DAPK1: variants seen among roughly 807,000 people sequenced by gnomAD.
The protein encoded by DAPK1 is death associated protein kinase 1.
In DAPK1, 56 loss-of-function variants were observed where a neutral mutation model predicts 144.9. That is an observed-to-expected ratio of 0.39 (90% CI 0.31 to 0.48). The LOEUF (loss-of-function observed/expected upper bound fraction) is 0.48. Ranked by LOEUF, DAPK1 falls within the 20% of genes least tolerant of loss-of-function variation. The pLI is 0.95. For synonymous variants in DAPK1, 690 were observed against 749.0 expected (o/e 0.92, Z 1.29); for missense variants, 1,454 against 1,875.4 (o/e 0.78, Z 4.15).
chr9:87,613,656 A>G (rs1829002997), intron 3 of DAPK1, among the ~76,000 whole-genome samples: 1 of 152,248 alleles, frequency 6.6e-6, no homozygotes, highest in Non-Finnish European at 1.5e-5. Flanking sequence ...ACATGCAGTG[A>G]TTAAAGTGAT....
In DAPK1 at chr9:87,535,108, G is replaced by C. The variant is rs142113798; in HGVS notation, c.62+35969G>C. ...GAAATGGATACACAGATGACACAGA[G>C]ACCATCCATTTTTCTGTTTTCTGTG... On this transcript the variant is annotated intron_variant, in intron 2 of 25. Transcript: ENST00000408954. 5.0e-3 allele frequency among the ~76,000 whole-genome samples: 761 copies of C among 152,174 alleles called. 5 individuals carry two copies. The highest frequency in any genetic ancestry group is 0.017 in the African/African-American group (722 of 41,516).
intron 2 of DAPK1, among the ~76,000 whole-genome samples, chr9:87,597,793 G>C (rs754340994): frequency 6.6e-6 from 1 of 152,042 alleles, no homozygotes; most frequent in African/African-American, 2.4e-5. Flanking sequence ...CTAGAAATAC[G>C]AAGTAGGCTC....
chr9:87,556,390 A>G (rs10868631), intron 2 of DAPK1, among the ~76,000 whole-genome samples: 115,852 of 152,038 alleles, frequency 0.76, 45,011 homozygotes, highest in African/African-American at 0.92. Flanking sequence ...ACGTGTGTGT[A>G]CCTGTACCCA....
intron 16 of DAPK1, among the ~76,000 whole-genome samples, 157 bp from the exon 17 acceptor site, chr9:87,651,370 A>C (rs190349106): frequency 6.7e-6 from 1 of 149,198 alleles, no homozygotes; most frequent in African/African-American, 2.4e-5. Context: ...TACCCCTGCT[A>C]TAGGAGTAAA....
intron 2 of DAPK1, among the ~76,000 whole-genome samples, chr9:87,543,556 C>A (rs906512156): frequency 4.6e-5 from 7 of 152,170 alleles, no homozygotes; most frequent in African/African-American, 7.2e-5. Context: ...TTTCATGGAA[C>A]CTTCTGCAAA....
At chr9:87,593,456 C>G (rs917628369) in intron 2 of DAPK1, among the ~76,000 whole-genome samples, 2 of 152,220 alleles carry the variant, frequency 1.3e-5, no homozygotes, top group African/African-American at 4.8e-5. Flanking sequence ...TGTTCTTCCT[C>G]TCATGCTCCA....
chr9:87,679,243 G>T (rs1824514265), intron 19 of DAPK1, among the ~76,000 whole-genome samples: 1 of 152,116 alleles, frequency 6.6e-6, no homozygotes, highest in Admixed American at 6.5e-5. Context: ...TACAGGTCGG[G>T]GGTCACCATG....
At position 87,525,698 on chromosome 9, in the gene DAPK1, T is replaced by C. The variant is rs372345655; in HGVS notation, c.62+26559T>C. ...TCCACCTCCTCCATGTTTTCCTCTC[T>C]CTTCCCACTGTGAGCTCTCTCAGAC... On this transcript the variant is annotated intron_variant, in intron 2 of 25. Coordinates refer to ENST00000408954, the MANE Select transcript of DAPK1 (RefSeq NM_004938.4). 2.6e-3 allele frequency among the ~76,000 whole-genome samples: 390 copies of C among 152,270 alleles called. 3 individuals carry two copies. Among genetic ancestry groups the C allele is most frequent in the African/African-American group, 8.9e-3 (369 of 41,560 alleles).
chr9:87,508,375 C>G (rs1020157995), intron 2 of DAPK1, among the ~76,000 whole-genome samples: 1 of 148,086 alleles, frequency 6.8e-6, no homozygotes, highest in African/African-American at 2.5e-5. Context: ...CGGAGTCTTG[C>G]TTTGTCGCCC....
intron 24 of DAPK1, among the ~76,000 whole-genome samples, chr9:87,700,628 A>C (rs1449261495): frequency 6.6e-6 from 1 of 152,066 alleles, no homozygotes; most frequent in Non-Finnish European, 1.5e-5. Context: ...CCTCCCAAGT[A>C]GCTAGGACTA....
intron 2 of DAPK1, among the ~76,000 whole-genome samples, chr9:87,523,799 A>C (rs576951558): frequency 6.6e-6 from 1 of 152,114 alleles, no homozygotes; most frequent in African/African-American, 2.4e-5. Flanking sequence ...GCTGGATTCA[A>C]CCAGGGAGAT....
At chr9:87,696,367 A>G (rs1564075673) in intron 21 of DAPK1, among the ~76,000 whole-genome samples, 1 of 152,220 alleles carries the variant, frequency 6.6e-6, no homozygotes, top group African/African-American at 2.4e-5. Flanking sequence ...ATGGATATAC[A>G]TGCTGTAGAT....
chr9:87,615,668 G>A (rs1222193244), intron 3 of DAPK1, among the ~76,000 whole-genome samples: 1 of 152,206 alleles, frequency 6.6e-6, no homozygotes, highest in Non-Finnish European at 1.5e-5. Context: ...GGCTTTCCTT[G>A]GAGGAAAAGG....
At chr9:87,562,434 A>T (rs938846126) in intron 2 of DAPK1, among the ~76,000 whole-genome samples, 1 of 152,158 alleles carries the variant, frequency 6.6e-6, no homozygotes, top group Non-Finnish European at 1.5e-5. Context: ...TTCGTCGGGA[A>T]CCAACAGGAG....
In DAPK1 at chr9:87,686,819, C is replaced by A; in HGVS notation, c.2413+80C>A. The A allele has an allele frequency of 7.2e-7, 1 of 1,396,992 alleles. No individual in the cohort carries two copies. Among genetic ancestry groups the A allele is most frequent in the Non-Finnish European group, 9.8e-7 (1 of 1,025,232 alleles). The allele number at this position is 1,396,992 out of a possible 1,614,324, so 86.5% of individuals were successfully genotyped here. A position where few individuals can be genotyped will look rare whatever the true frequency, so the allele number is the denominator to read the frequency against. The stretch of plus-strand genomic sequence containing the variant: ...TAAGTCATCCCTAAAGGGAGCTTGT[C>A]CTGAGCTGTATCTGTCACTTCCAGA... On this transcript the variant is annotated intron_variant, in intron 21 of 25. Coordinates refer to ENST00000408954, the MANE Select transcript of DAPK1 (RefSeq NM_004938.4). This position sits in a 1 kb window ranked among gnomAD's most constrained non-coding sequence, Gnocchi z 4.2.
chr9:87,558,642 G>A (rs1032482511), intron 2 of DAPK1, among the ~76,000 whole-genome samples: 1 of 152,202 alleles, frequency 6.6e-6, no homozygotes, highest in African/African-American at 2.4e-5. Context: ...TTTGTGACTT[G>A]TCATTGCAGG....
chr9:87,547,586 T>TGTGGAGAGAGAGA (rs1563986315), intron 2 of DAPK1, among the ~76,000 whole-genome samples: 1 of 55,458 alleles, frequency 1.8e-5, no homozygotes. Context: ...AGAGTGTGTG[T>TGTGGAGAGAGAGA]GTGTGTGTGT....
chr9:87,621,388 G>A (rs1238732378), intron 3 of DAPK1, among the ~76,000 whole-genome samples: 6 of 152,178 alleles, frequency 3.9e-5, no homozygotes, highest in South Asian at 2.1e-4. Context: ...GGGGGATGCC[G>A]TGCCCAGAGG....
At chr9:87,578,661 C>G (rs1052117902) in intron 2 of DAPK1, among the ~76,000 whole-genome samples, 1 of 152,190 alleles carries the variant, frequency 6.6e-6, no homozygotes, top group Non-Finnish European at 1.5e-5. Context: ...TCTTAAAATA[C>G]AAAACCCAAA....
Sources: gnomAD v4.1 joint callset for allele counts (sites outside exome capture counted in the v4.1 genomes callset) on GRCh38, gnomAD v4.1.1 for gene constraint, Gnocchi (gnomAD v3.1) non-coding constraint, MANE v1.5 for transcripts, NCBI Gene and HGNC (gene_info 2026-07-23, HGNC 2026-07-21) for gene names.